Variants in SMAD2 observed in about 807,000 individuals in gnomAD.
The protein encoded by SMAD2 is SMAD family member 2, also known as MAD homolog 2.
A neutral mutation model predicts 64.4 loss-of-function variants in SMAD2; 8 were observed. The ratio of observed to expected loss-of-function variants is 0.12; its 90% confidence interval spans 0.07 to 0.22. The LOEUF (loss-of-function observed/expected upper bound fraction) is 0.22. Ranked by LOEUF, SMAD2 falls within the 10% of genes least tolerant of loss-of-function variation. The pLI is 1.00. For missense variants in SMAD2, 289 were observed against 561.2 expected (o/e 0.51, Z 4.90); for synonymous variants, 203 against 195.8 (o/e 1.04, Z -0.31).
intron 1 of SMAD2, among the ~76,000 whole-genome samples, chr18:47,928,245 C>G (rs1427247532): frequency 6.6e-6 from 1 of 152,134 alleles, no homozygotes; most frequent in Non-Finnish European, 1.5e-5. Flanking sequence ...AGCCCTAAAG[C>G]ACAAAACCAA....
rs894113665 is a variant in SMAD2, at chr18:47,848,359, C to A, written c.997+116G>T. 3.6e-5 allele frequency: 28 copies of A among 787,642 alleles called. 1 individual carries two copies. In the South Asian group the frequency reaches 3.9e-4, roughly 11 times the overall value. The allele number at this position is 787,642 out of a possible 1,614,324, so 48.8% of individuals were successfully genotyped here. ...GCACTTAAATGTGTCGGCACTTAAA[C>A]CACCAGAGAGAAAGCTGGTTTTACT... On this transcript the variant is annotated intron_variant, in intron 8 of 10. Transcript: ENST00000262160.
chr18:47,916,369 G>A (rs2144528633), intron 1 of SMAD2, among the ~76,000 whole-genome samples: 1 of 152,036 alleles, frequency 6.6e-6, no homozygotes, highest in Middle Eastern at 3.4e-3. Flanking sequence ...TTTGCTTGAG[G>A]ACTTAAAATT....
Position 47,836,469 on chromosome 18 carries a change from T to G in SMAD2, c.*5358A>C, listed in dbSNP as rs1027624274. 12 of 220,528 alleles carry G rather than the reference T, an allele frequency of 5.4e-5. No individual in the cohort carries two copies. The highest frequency in any genetic ancestry group is 1.8e-4 in the South Asian group (1 of 5,408). 13.7% of individuals were successfully genotyped at this position (220,528 alleles called of 1,614,324 possible). ...CCAAATGGCAGATTAAGAAAATTAA[T>G]GTACTCCAATGGTCTGTCCATGAAA... On this transcript the variant is annotated 3_prime_UTR_variant, in exon 11 of 11. Transcript: ENST00000262160.
Position 47,834,420 on chromosome 18 carries a change from AT to A in SMAD2, c.*7406del, listed in dbSNP as rs1913216797. 2 of 207,042 alleles carry A rather than the reference AT, an allele frequency of 9.7e-6. No individual in the cohort carries two copies. Among genetic ancestry groups the A allele is most frequent in the Non-Finnish European group, 2.0e-5 (2 of 101,416 alleles). The allele number at this position is 207,042 out of a possible 1,614,324, so 12.8% of individuals were successfully genotyped here. On this transcript the variant is annotated 3_prime_UTR_variant, in exon 11 of 11. Coordinates refer to ENST00000262160, the MANE Select transcript of SMAD2 (RefSeq NM_005901.6). ...TACAAAACTCTGCTAAAAGTTTTGT[AT>A]CCAGGGAAAGTCCCGCATCCAGGGA... is the stretch of plus-strand genomic sequence containing the variant.
intron 1 of SMAD2, among the ~76,000 whole-genome samples, chr18:47,911,563 A>AT (rs2034136936): frequency 6.6e-6 from 1 of 152,196 alleles, no homozygotes; most frequent in East Asian, 1.9e-4. Context: ...GGAATGCCAC[A>AT]TAACAATACT....
chr18:47,839,417 T>C lies in SMAD2; in HGVS notation c.*2410A>G, dbSNP rs777575213. ...CACTGAGTATCTCCTACAGGCCTGA[T>C]AGTGGTATTACCTAGGACATTTACT... is the stretch of plus-strand genomic sequence containing the variant. On this transcript the variant is annotated 3_prime_UTR_variant, in exon 11 of 11. Transcript: ENST00000262160. 16 of 233,162 alleles carry C rather than the reference T, an allele frequency of 6.9e-5. No individual in the cohort carries two copies. The highest frequency in any genetic ancestry group is 1.8e-4 in the South Asian group (1 of 5,528). The allele number at this position is 233,162 out of a possible 1,614,324, so 14.4% of individuals were successfully genotyped here. A position where few individuals can be genotyped will look rare whatever the true frequency, so the allele number is the denominator to read the frequency against.
chr18:47,855,256 C>T (rs529741535), intron 6 of SMAD2, among the ~76,000 whole-genome samples: 2 of 152,240 alleles, frequency 1.3e-5, no homozygotes, highest in East Asian at 3.9e-4. Flanking sequence ...TATCTAGTCA[C>T]CTATTAAAAC....
intron 2 of SMAD2, among the ~76,000 whole-genome samples, chr18:47,881,747 C>A (rs2032602260): frequency 6.6e-6 from 1 of 152,136 alleles, no homozygotes; most frequent in Non-Finnish European, 1.5e-5. Context: ...CTGAGAAAGT[C>A]TCTTTGTTTC....
chr18:47,904,912 A>C (rs1458527038), intron 1 of SMAD2, among the ~76,000 whole-genome samples: 5 of 152,242 alleles, frequency 3.3e-5, no homozygotes, highest in Non-Finnish European at 5.9e-5. Context: ...TAGAGCTAGC[A>C]TATGTCATAA....
intron 6 of SMAD2, among the ~76,000 whole-genome samples, chr18:47,854,892 G>C (rs1568048381): frequency 6.6e-6 from 1 of 151,996 alleles, no homozygotes; most frequent in Non-Finnish European, 1.5e-5. Flanking sequence ...ATTTACATTA[G>C]GGCTATGTTA....
At chr18:47,896,454 A>G in intron 2 of SMAD2, 67 bp downstream of exon 2, 1 of 1,536,196 alleles carries the variant, frequency 6.5e-7, no homozygotes, top group South Asian at 1.1e-5. Flanking sequence ...AAGGAACACA[A>G]ATTCAGTAAC....
In SMAD2 at chr18:47,832,944, CAT is replaced by C. The variant is rs1348267088; in HGVS notation, c.*8881_*8882del. The C allele has an allele frequency of 6.1e-6, 1 of 164,226 alleles. No individual in the cohort carries two copies. Among genetic ancestry groups the C allele is most frequent in the African/African-American group, 2.4e-5 (1 of 41,742 alleles). 10.2% of individuals were successfully genotyped at this position (164,226 alleles called of 1,614,324 possible). A position where few individuals can be genotyped will look rare whatever the true frequency, so the allele number is the denominator to read the frequency against. On this transcript the variant is annotated 3_prime_UTR_variant, in exon 11 of 11. Transcript: ENST00000262160. ...TAACACCAAATTAAAAAAACAAAAA[CAT>C]GTACTCTTAAAATCATATGTCCATA...
chr18:47,874,846 A>G (rs768199462), intron 2 of SMAD2, among the ~76,000 whole-genome samples: 5 of 152,180 alleles, frequency 3.3e-5, no homozygotes, highest in South Asian at 2.1e-4. Context: ...ATACATAAAC[A>G]TACGTATTTT....
intron 1 of SMAD2, among the ~76,000 whole-genome samples, chr18:47,915,317 T>G (rs559425229): frequency 1.3e-5 from 2 of 152,336 alleles, no homozygotes; most frequent in South Asian, 4.1e-4. Flanking sequence ...TTTTATAAAT[T>G]TATATGAAAG....
At chr18:47,868,704 T>C (rs945834877) in intron 4 of SMAD2, among the ~76,000 whole-genome samples, 1 of 152,186 alleles carries the variant, frequency 6.6e-6, no homozygotes, top group Non-Finnish European at 1.5e-5. Context: ...ATCCTGGTAA[T>C]ATTATATTAC....
intron 7 of SMAD2, among the ~76,000 whole-genome samples, chr18:47,850,718 ATT>A (rs1301347266): frequency 3.4e-5 from 1 of 29,096 alleles, no homozygotes; most frequent in Non-Finnish European, 5.4e-5. Flanking sequence ...CTATATATAT[ATT>A]ATATATATTA....
At chr18:47,885,770 T>C (rs913104879) in intron 2 of SMAD2, among the ~76,000 whole-genome samples, 11 of 152,172 alleles carry the variant, frequency 7.2e-5, no homozygotes, top group African/African-American at 2.7e-4. Context: ...GAGATCAGAC[T>C]AGGCAACATG....
At chr18:47,870,716 G>A in intron 2 of SMAD2, 152 bp from the exon 3 acceptor site, 1 of 690,100 alleles carries the variant, frequency 1.4e-6, no homozygotes, top group Non-Finnish European at 2.6e-6. Flanking sequence ...TGTAGTGCTG[G>A]TTACTATATT....
chr18:47,892,198 AT>A (rs35136920), intron 2 of SMAD2, among the ~76,000 whole-genome samples: 82,204 of 142,320 alleles, frequency 0.58, 23,335 homozygotes, highest in East Asian at 0.82. Flanking sequence ...TTACCTAGAC[AT>A]TTTTTTTTTT....
Sources: gnomAD v4.1 joint callset for allele counts (sites outside exome capture counted in the v4.1 genomes callset) on GRCh38, gnomAD v4.1.1 for gene constraint, MANE v1.5 for transcripts, NCBI Gene and HGNC (gene_info 2026-07-23, HGNC 2026-07-21) for gene names.